The following SNX29 variants were observed in gnomAD, a reference collection of about 807,000 sequenced individuals.
SNX29 encodes the protein sorting nexin 29, also known as sorting nexin-29.
Under a neutral mutation model 102.1 loss-of-function variants are expected in SNX29, and 78 were observed. That is an observed-to-expected ratio of 0.76 (90% CI 0.64 to 0.92). SNX29 has a LOEUF of 0.92. SNX29 is among the 40% of genes least tolerant of loss of function. The pLI is 0.00. For missense variants in SNX29, 1,280 were observed against 1,061.7 expected, an observed-to-expected ratio of 1.21 and a Z score of -2.86; for synonymous variants, 580 against 414.5, an observed-to-expected ratio of 1.40 and a Z score of -4.85.
intron 20 of SNX29, chr16:12,546,701 TTAAAGCTATTATTTTGACTAGAAAAC>T (rs2077626873): frequency 1.3e-5 from 2 of 152,314 alleles, no homozygotes; most frequent in South Asian, 4.1e-4. Context: ...CCCACTGTGA[TTAAAGCTATTATTTTGACTAGAAAAC>T]TAAGAAGATA....
chr16:12,403,711 A>G (rs1409421765), intron 18 of SNX29, among the ~76,000 whole-genome samples, 182 bp downstream of exon 18: 2 of 152,162 alleles, frequency 1.3e-5, no homozygotes, highest in Non-Finnish European at 2.9e-5. Context: ...TCAGTTGGGC[A>G]GGGGGATACG....
At chr16:12,303,058 A>G (rs2080228472) in intron 15 of SNX29, among the ~76,000 whole-genome samples, 1 of 152,254 alleles carries the variant, frequency 6.6e-6, no homozygotes, top group Non-Finnish European at 1.5e-5. Flanking sequence ...TAAAAGGCAG[A>G]AACAAATGCA....
chr16:12,179,196 C>T (rs1391637986), intron 13 of SNX29, among the ~76,000 whole-genome samples: 1 of 152,126 alleles, frequency 6.6e-6, no homozygotes, highest in African/African-American at 2.4e-5. Context: ...AAAATATTGG[C>T]TTGTGAGGGC....
intron 15 of SNX29, among the ~76,000 whole-genome samples, chr16:12,296,785 T>C (rs954945964): frequency 3.9e-5 from 6 of 152,258 alleles, no homozygotes; most frequent in Admixed American, 2.6e-4. Flanking sequence ...ATAAACACTT[T>C]AATGAAGGGT....
intron 20 of SNX29, among the ~76,000 whole-genome samples, chr16:12,559,015 CAAA>C (rs567860904): frequency 6.6e-6 from 1 of 152,162 alleles, no homozygotes; most frequent in Non-Finnish European, 1.5e-5. Flanking sequence ...GGGAGAGAGA[CAAA>C]AGACTCCTTT....
At chr16:12,469,284 C>G (rs906436372) in intron 18 of SNX29, among the ~76,000 whole-genome samples, 9 of 152,306 alleles carry the variant, frequency 5.9e-5, no homozygotes, top group African/African-American at 2.2e-4. Flanking sequence ...ATCCGTCTAT[C>G]GGCATGGCCA....
At chr16:12,121,020 C>T (rs1452639698) in intron 11 of SNX29, among the ~76,000 whole-genome samples, 1 of 152,196 alleles carries the variant, frequency 6.6e-6, no homozygotes, top group Non-Finnish European at 1.5e-5. Context: ...GTTCCTGGAG[C>T]TGAGGGTGGC....
chr16:12,564,739 TAAC>T (rs1230352430), intron 20 of SNX29, among the ~76,000 whole-genome samples: 1 of 151,830 alleles, frequency 6.6e-6, no homozygotes, highest in African/African-American at 2.4e-5. Context: ...CAGTTGTGCC[TAAC>T]AACTGTCTGC....
intron 16 of SNX29, among the ~76,000 whole-genome samples, chr16:12,380,993 C>G (rs1265562538): frequency 7.8e-6 from 1 of 128,582 alleles, no homozygotes; most frequent in Non-Finnish European, 1.7e-5. Flanking sequence ...ATCCATCCAC[C>G]CACCCACCAT....
At chr16:12,189,056 T>C (rs2076580287) in intron 13 of SNX29, among the ~76,000 whole-genome samples, 1 of 152,102 alleles carries the variant, frequency 6.6e-6, no homozygotes, top group Admixed American at 6.5e-5. Flanking sequence ...CTTGCCAAAA[T>C]ACAGATTCCA....
rs549891367 is a variant in SNX29 at position 12,096,247 on chromosome 16, C to T, written c.1402+17332C>T. On this transcript the variant is annotated intron_variant, in intron 11 of 20. Coordinates refer to ENST00000566228, the MANE Select transcript of SNX29 (RefSeq NM_032167.5). The surrounding 1 kb of genome is among the most constrained non-coding windows in gnomAD (Gnocchi z 4.2). ...TGTGTATTAGCCCTTCAGTGACTGT[C>T]TTAGTGTCTTAGTAATTGGAAGGTT... is the stretch of plus-strand genomic sequence containing the variant. 2.6e-5 allele frequency among the ~76,000 whole-genome samples: 4 copies of T among 152,328 alleles called. No homozygotes were observed. The highest frequency in any genetic ancestry group is 9.6e-5 in the African/African-American group (4 of 41,574).
chr16:12,115,816 G>T (rs1225533464), intron 11 of SNX29, among the ~76,000 whole-genome samples: 1 of 152,162 alleles, frequency 6.6e-6, no homozygotes, highest in African/African-American at 2.4e-5. Flanking sequence ...TACCTCGCTT[G>T]CAGCTCTCTG....
chr16:12,496,655 C>T (rs1281084483), intron 19 of SNX29, among the ~76,000 whole-genome samples: 1 of 151,968 alleles, frequency 6.6e-6, no homozygotes, highest in South Asian at 2.1e-4. Context: ...GGATTACAGG[C>T]ACCTGCCACC....
chr16:12,055,840 T>C (rs1294950977), intron 8 of SNX29, among the ~76,000 whole-genome samples: 1 of 152,214 alleles, frequency 6.6e-6, no homozygotes, highest in African/African-American at 2.4e-5. Context: ...CTGGGTATTG[T>C]GGCCCAGCAA....
intron 16 of SNX29, among the ~76,000 whole-genome samples, chr16:12,367,717 CTG>C (rs1367735208): frequency 2.0e-5 from 3 of 152,258 alleles, no homozygotes; most frequent in Admixed American, 2.0e-4. Context: ...AAGTACCAAA[CTG>C]TCTCCTGTCC....
intron 20 of SNX29, among the ~76,000 whole-genome samples, chr16:12,551,719 A>G (rs2856784): frequency 0.12 from 18,921 of 152,202 alleles, 1,397 homozygotes; most frequent in Non-Finnish European, 0.16. Flanking sequence ...CCAACTTGTG[A>G]ATGGGGACAG....
chr16:12,512,337 C>T (rs2089656066), intron 19 of SNX29, among the ~76,000 whole-genome samples: 1 of 138,760 alleles, frequency 7.2e-6, no homozygotes, highest in African/African-American at 2.7e-5. Flanking sequence ...CTCCCCATCA[C>T]TGTTTACGTC....
intron 1 of SNX29, among the ~76,000 whole-genome samples, chr16:11,989,560 A>G (rs1256363897): frequency 6.6e-6 from 1 of 152,234 alleles, no homozygotes; most frequent in Non-Finnish European, 1.5e-5. Context: ...CACTCTGCCC[A>G]TGACAGGAAT....
chr16:12,083,867 G>A (rs750980907), intron 11 of SNX29, among the ~76,000 whole-genome samples: 14 of 152,226 alleles, frequency 9.2e-5, no homozygotes, highest in Non-Finnish European at 1.5e-4. Flanking sequence ...GTAATAATCT[G>A]TGGAGGTGGC....
Sources: gnomAD v4.1 joint callset for allele counts (sites outside exome capture counted in the v4.1 genomes callset) on GRCh38, gnomAD v4.1.1 for gene constraint, Gnocchi (gnomAD v3.1) non-coding constraint, MANE v1.5 for transcripts, NCBI Gene and HGNC (gene_info 2026-07-23, HGNC 2026-07-21) for gene names.